Variants in GABRB1 observed in about 807,000 individuals in gnomAD.
GABRB1 encodes the protein gamma-aminobutyric acid type A receptor subunit beta1.
In GABRB1, 17 loss-of-function variants were observed where a neutral mutation model predicts 51.6. The observed-to-expected ratio is 0.33, with a 90% CI of 0.23 to 0.49. GABRB1 has a LOEUF of 0.49. Ranked by LOEUF, GABRB1 falls within the 20% of genes least tolerant of loss-of-function variation. The pLI, the probability that GABRB1 is intolerant of heterozygous loss-of-function variation, is 0.99. For missense variants in GABRB1, 410 were observed against 600.6 expected (o/e 0.68, Z 3.32); for synonymous variants, 247 against 218.9 (o/e 1.13, Z -1.14).
intron 5 of GABRB1, among the ~76,000 whole-genome samples, chr4:47,345,415 AAG>A (rs1272817653): frequency 2.0e-5 from 3 of 152,138 alleles, no homozygotes; most frequent in Non-Finnish European, 4.4e-5. Context: ...TAAGGAGGTA[AAG>A]AGAGTTTTTT....
intron 4 of GABRB1, among the ~76,000 whole-genome samples, chr4:47,254,999 C>T (rs1722146379): frequency 6.6e-6 from 1 of 152,128 alleles, no homozygotes; most frequent in Non-Finnish European, 1.5e-5. Context: ...ACTACATTGC[C>T]TATAAAAGTT....
intron 3 of GABRB1, among the ~76,000 whole-genome samples, chr4:47,041,375 G>T (rs1339253614): frequency 6.6e-6 from 1 of 152,076 alleles, no homozygotes; most frequent in Non-Finnish European, 1.5e-5. Context: ...ATTTTGTTTA[G>T]AGAAAGACAG....
chr4:47,031,614 C>A lies in GABRB1; in HGVS notation c.-38C>A. On this transcript the variant is annotated 5_prime_UTR_variant, in exon 1 of 9. Coordinates refer to ENST00000295454, the MANE Select transcript of GABRB1 (RefSeq NM_000812.4). Reference sequence around the variant, plus strand: ...GCCGACTAAGTTGCATTCCTTGAATCTTCGCAGAAAAGACAATTCTTTTAA... The same window carrying A: ...GCCGACTAAGTTGCATTCCTTGAATATTCGCAGAAAAGACAATTCTTTTAA... The A allele has an allele frequency of 1.3e-6, 2 of 1,551,636 alleles. No individual in the cohort carries two copies. The highest frequency in any genetic ancestry group is 1.8e-6 in the Non-Finnish European group (2 of 1,123,346).
chr4:47,119,696 A>G (rs1450155042), intron 3 of GABRB1, among the ~76,000 whole-genome samples: 1 of 152,020 alleles, frequency 6.6e-6, no homozygotes, highest in Non-Finnish European at 1.5e-5. Context: ...TTTAGCAGAG[A>G]CAAGGTTTCT....
rs1374914062 is a variant in GABRB1 at position 47,406,913 on chromosome 4, T to C, written c.1067T>C (p.Met356Thr). ...QSANEKNKLE[M>T]NKVQVDAHGN... ...GCCAATGAGAAGAATAAACTGGAGA[T>C]GAATAAAGTCCAGGTAAGATATTAA... The change falls in exon 8 of 9, where the codon ATG becomes ACG. Residue 356 changes from methionine (M) to threonine (T), a missense_variant. Around this residue, in one of 5 missense-constraint regions of GABRB1, gnomAD observed 181 missense variants for 195.6 expected, o/e 0.93. Coordinates refer to ENST00000295454, the MANE Select transcript of GABRB1 (RefSeq NM_000812.4). 7 of 1,613,894 alleles carry C rather than the reference T, an allele frequency of 4.3e-6. No homozygotes were observed. Among genetic ancestry groups the C allele is most frequent in the Non-Finnish European group, 5.9e-6 (7 of 1,179,962 alleles).
chr4:47,235,041 G>A (rs1255165602), intron 4 of GABRB1, among the ~76,000 whole-genome samples: 3 of 151,944 alleles, frequency 2.0e-5, no homozygotes, highest in African/African-American at 4.8e-5. Flanking sequence ...TCAATATTTC[G>A]GCCTTTAAAA....
At chr4:47,290,535 A>C (rs533447348) in intron 4 of GABRB1, among the ~76,000 whole-genome samples, 203 of 152,296 alleles carry the variant, frequency 1.3e-3, no homozygotes, top group African/African-American at 4.7e-3. Flanking sequence ...AGGGATTGGG[A>C]CAGTTTGGAG....
intron 3 of GABRB1, among the ~76,000 whole-genome samples, chr4:47,088,561 G>T (rs1728170636): frequency 6.6e-6 from 1 of 152,198 alleles, no homozygotes; most frequent in Non-Finnish European, 1.5e-5. Context: ...GTCTGGAGAA[G>T]CATGAAGCAG....
At chr4:47,094,368 G>T (rs1385977239) in intron 3 of GABRB1, among the ~76,000 whole-genome samples, 1 of 151,470 alleles carries the variant, frequency 6.6e-6, no homozygotes, top group African/African-American at 2.4e-5. Context: ...TGGGACTACA[G>T]GTGCCCACCA....
chr4:47,200,819 C>A (rs563453663), intron 4 of GABRB1, among the ~76,000 whole-genome samples: 1 of 152,232 alleles, frequency 6.6e-6, no homozygotes, highest in South Asian at 2.1e-4. Flanking sequence ...AGCTCTAGGA[C>A]CTTGATTTAA....
At chr4:47,272,536 T>A (rs961827484) in intron 4 of GABRB1, among the ~76,000 whole-genome samples, 1 of 152,128 alleles carries the variant, frequency 6.6e-6, no homozygotes, top group African/African-American at 2.4e-5. Flanking sequence ...CTAAATAAAT[T>A]TTAAAAATTA....
At chr4:47,025,415 G>T (rs779340595) in intron 1 of GABRB1, among the ~76,000 whole-genome samples, 21 of 151,826 alleles carry the variant, frequency 1.4e-4, no homozygotes, top group East Asian at 1.2e-3. Flanking sequence ...ATTATTTTTT[G>T]ATTATGGCCA....
chr4:47,079,188 T>C (rs913853113), intron 3 of GABRB1, among the ~76,000 whole-genome samples: 1 of 152,334 alleles, frequency 6.6e-6, no homozygotes, highest in Admixed American at 6.5e-5. Context: ...GAAGGAATGG[T>C]ACCAGCTCCT....
chr4:47,209,100 A>G (rs191938561), intron 4 of GABRB1, among the ~76,000 whole-genome samples: 1 of 152,254 alleles, frequency 6.6e-6, no homozygotes, highest in Admixed American at 6.6e-5. Flanking sequence ...TCCACATAGT[A>G]CCAAAAGCTT....
chr4:47,355,997 A>G (rs2110004406), intron 5 of GABRB1, among the ~76,000 whole-genome samples: 1 of 152,370 alleles, frequency 6.6e-6, no homozygotes, highest in Admixed American at 6.5e-5. Context: ...TAAAGCAACC[A>G]GGCTTAATGC....
intron 5 of GABRB1, among the ~76,000 whole-genome samples, chr4:47,378,405 C>T (rs935897234): frequency 2.0e-5 from 3 of 152,172 alleles, no homozygotes; most frequent in South Asian, 4.1e-4. Flanking sequence ...GCAAGCACCG[C>T]GCGCAGCCCG....
intron 3 of GABRB1, among the ~76,000 whole-genome samples, chr4:47,079,558 T>C (rs1727730973): frequency 6.6e-6 from 1 of 152,036 alleles, no homozygotes; most frequent in Admixed American, 6.6e-5. Flanking sequence ...CATATGTTTA[T>C]TGCGGCACTG....
At chr4:47,145,998 T>A (rs1717156035) in intron 3 of GABRB1, among the ~76,000 whole-genome samples, 3 of 152,152 alleles carry the variant, frequency 2.0e-5, no homozygotes, top group Admixed American at 1.3e-4. Context: ...CTTCAGTCTC[T>A]CCCACCTTCA....
At chr4:47,301,903 A>G (rs1223399280) in intron 4 of GABRB1, among the ~76,000 whole-genome samples, 1 of 152,192 alleles carries the variant, frequency 6.6e-6, no homozygotes, top group Admixed American at 6.5e-5. Flanking sequence ...GAGTTCCAAA[A>G]TAATTCATAG....
Sources: allele counts gnomAD v4.1 joint callset (sites outside exome capture counted in the v4.1 genomes callset), GRCh38; gene constraint gnomAD v4.1.1; regional missense constraint gnomAD v4.1.1; transcripts MANE v1.5; gene names NCBI Gene and HGNC (gene_info 2026-07-23, HGNC 2026-07-21).